The following APBB2 variants were observed in gnomAD, a reference collection of about 807,000 sequenced individuals.
The protein encoded by APBB2 is Fe65-like 1.
Under a neutral mutation model 82.5 loss-of-function variants are expected in APBB2, and 38 were observed. The ratio of observed to expected loss-of-function variants is 0.46; its 90% CI spans 0.36 to 0.60. The LOEUF (loss-of-function observed/expected upper bound fraction) is 0.60, where lower values mean the gene tolerates loss of function less well. Ranked by LOEUF, APBB2 falls within the 20% of genes least tolerant of loss-of-function variation. The pLI, the probability that APBB2 is intolerant of heterozygous loss-of-function variation, is 0.00. For synonymous variants in APBB2, 341 were observed against 368.2 expected (o/e 0.93, Z 0.85); for missense variants, 772 against 972.3 (o/e 0.79, Z 2.74).
intron 3 of APBB2, among the ~76,000 whole-genome samples, chr4:41,098,245 T>C (rs1744229674): frequency 6.6e-6 from 1 of 152,112 alleles, no homozygotes; most frequent in Non-Finnish European, 1.5e-5. Flanking sequence ...AGGGCTATGG[T>C]GTGATCATAG....
chr4:41,158,970 C>A (rs1036170402), intron 1 of APBB2, among the ~76,000 whole-genome samples: 4 of 152,112 alleles, frequency 2.6e-5, no homozygotes, highest in African/African-American at 7.2e-5. Context: ...CTCAGGAATC[C>A]CGGACACAGT....
intron 4 of APBB2, among the ~76,000 whole-genome samples, chr4:41,034,842 A>G (rs1327069893): frequency 6.6e-6 from 1 of 152,264 alleles, no homozygotes; most frequent in Non-Finnish European, 1.5e-5. Context: ...AAAATAATAC[A>G]TAATAAGGAA....
At chr4:40,930,499 G>A (rs60734587) in intron 10 of APBB2, among the ~76,000 whole-genome samples, 4,507 of 150,234 alleles carry the variant, frequency 0.03, 197 homozygotes, top group African/African-American at 0.095. Context: ...GTATGTGTGT[G>A]GTGATTTTGT....
At chr4:40,980,908 G>A (rs531721735) in intron 6 of APBB2, among the ~76,000 whole-genome samples, 1 of 152,282 alleles carries the variant, frequency 6.6e-6, no homozygotes, top group Admixed American at 6.5e-5. Flanking sequence ...AGAACCACCT[G>A]CATTAGATTC....
At chr4:41,026,343 T>A (rs1471958139) in intron 5 of APBB2, among the ~76,000 whole-genome samples, 2 of 152,166 alleles carry the variant, frequency 1.3e-5, no homozygotes, top group Non-Finnish European at 2.9e-5. Flanking sequence ...AGTTAAAAAA[T>A]TTTTATATCA....
chr4:41,074,673 C>CA (rs1735031683), intron 3 of APBB2, among the ~76,000 whole-genome samples: 1 of 150,054 alleles, frequency 6.7e-6, no homozygotes, highest in Non-Finnish European at 1.5e-5. Context: ...GCAGTGGCAC[C>CA]ATCTCGGCTC....
intron 6 of APBB2, among the ~76,000 whole-genome samples, chr4:40,991,465 A>C (rs1393217789): frequency 1.3e-5 from 2 of 152,166 alleles, no homozygotes; most frequent in Non-Finnish European, 2.9e-5. Flanking sequence ...AAAACACTTT[A>C]GATGAAATTG....
intron 10 of APBB2, among the ~76,000 whole-genome samples, chr4:40,908,545 C>A (rs1193802396): frequency 6.6e-6 from 1 of 152,118 alleles, no homozygotes; most frequent in Non-Finnish European, 1.5e-5. Context: ...CACGTGTGCA[C>A]AACACGCCTC....
chr4:40,889,324 C>T (rs141241808), intron 12 of APBB2, among the ~76,000 whole-genome samples: 7 of 152,282 alleles, frequency 4.6e-5, no homozygotes, highest in East Asian at 1.9e-4. Flanking sequence ...GAATCAAATG[C>T]GCTAATGCCC....
intron 2 of APBB2, among the ~76,000 whole-genome samples, chr4:41,102,477 A>G (rs1183376571): frequency 6.6e-6 from 1 of 152,212 alleles, no homozygotes; most frequent in Non-Finnish European, 1.5e-5. Context: ...TTTTTTCAAG[A>G]GAACAATTTG....
intron 1 of APBB2, among the ~76,000 whole-genome samples, chr4:41,174,863 T>C (rs1769325631): frequency 6.6e-6 from 1 of 152,222 alleles, no homozygotes; most frequent in Non-Finnish European, 1.5e-5. Flanking sequence ...CAGGATATAT[T>C]GTTGGAACTG....
chr4:40,992,363 G>GC lies in APBB2; in HGVS notation c.835+21219_835+21220insG, dbSNP rs975853600. Among the ~76,000 whole-genome samples, 7 of 145,130 alleles carry GC rather than the reference G, an allele frequency of 4.8e-5. No homozygotes were observed. In the East Asian group the frequency reaches 6.5e-4, roughly 14 times the overall value. ...TATTTATTTATTTTTGGTAGAGATG[G>GC]GGGGGGGTCTTTCTATGTTGCCCAT... On this transcript the variant is annotated intron_variant, in intron 6 of 17. Coordinates refer to ENST00000508593, the MANE Select transcript of APBB2 (RefSeq NM_004307.2).
chr4:41,183,851 C>T (rs975686693), intron 1 of APBB2, among the ~76,000 whole-genome samples: 3 of 151,050 alleles, frequency 2.0e-5, no homozygotes, highest in Admixed American at 1.3e-4. Context: ...TGGGAGGGGG[C>T]GGTTCATGAT....
chr4:40,943,757 G>T (rs1787634585), intron 7 of APBB2, among the ~76,000 whole-genome samples: 1 of 152,244 alleles, frequency 6.6e-6, no homozygotes, highest in Admixed American at 6.5e-5. Flanking sequence ...CCTGAAGCAT[G>T]TGCCTGATGA....
intron 12 of APBB2, among the ~76,000 whole-genome samples, chr4:40,848,778 C>T (rs1356143274): frequency 1.3e-5 from 2 of 152,020 alleles, no homozygotes; most frequent in Non-Finnish European, 2.9e-5. Flanking sequence ...ACATACAAGC[C>T]CGCCCCTGCC....
At chr4:41,006,219 C>A (rs1419721865) in intron 6 of APBB2, among the ~76,000 whole-genome samples, 3 of 152,122 alleles carry the variant, frequency 2.0e-5, no homozygotes, top group Non-Finnish European at 4.4e-5. Context: ...ATGCATTTTA[C>A]CCTTGAAGTG....
intron 1 of APBB2, among the ~76,000 whole-genome samples, chr4:41,181,942 CAAAAAAAAAAA>C (rs35142945): frequency 2.1e-5 from 2 of 93,884 alleles, no homozygotes; most frequent in South Asian, 3.9e-4. Flanking sequence ...GAAACTGTCT[CAAAAAAAAAAA>C]AAAAAAAAGA....
chr4:41,188,035 C>T (rs889743245), intron 1 of APBB2, among the ~76,000 whole-genome samples: 11 of 152,162 alleles, frequency 7.2e-5, no homozygotes, highest in African/African-American at 2.2e-4. Context: ...TATAATACAG[C>T]CAGTTTTAAA....
At chr4:41,111,104 T>C (rs1749045787) in intron 2 of APBB2, among the ~76,000 whole-genome samples, 1 of 152,176 alleles carries the variant, frequency 6.6e-6, no homozygotes, top group African/African-American at 2.4e-5. Context: ...AAAGGGCTTG[T>C]GCTCCTATGA....
Sources: gnomAD v4.1 joint callset for allele counts (sites outside exome capture counted in the v4.1 genomes callset) on GRCh38, gnomAD v4.1.1 for gene constraint, MANE v1.5 for transcripts, NCBI Gene and HGNC (gene_info 2026-07-23, HGNC 2026-07-21) for gene names.